The following HIBADH variants were observed in gnomAD, a reference collection of about 807,000 sequenced individuals.
HIBADH encodes the protein 3-hydroxyisobutyrate dehydrogenase.
Under a neutral mutation model 36.1 loss-of-function variants are expected in HIBADH, and 25 were observed. The observed-to-expected ratio is 0.69, with a 90% CI of 0.50 to 0.97. The LOEUF is 0.97. HIBADH is among the 50% of genes least tolerant of loss of function. The pLI is 0.00. For synonymous variants in HIBADH, 160 were observed against 149.5 expected (o/e 1.07, Z -0.51); for missense variants, 421 against 418.0 (o/e 1.01, Z -0.06).
intron 4 of HIBADH, among the ~76,000 whole-genome samples, chr7:27,595,536 A>T (rs79492337): frequency 2.7e-5 from 4 of 150,604 alleles, no homozygotes; most frequent in East Asian, 1.9e-4. Context: ...CTGTCTCAAA[A>T]TAAATAAATA....
At chr7:27,573,877 G>A (rs1358335636) in intron 4 of HIBADH, among the ~76,000 whole-genome samples, 1 of 152,082 alleles carries the variant, frequency 6.6e-6, no homozygotes, top group African/African-American at 2.4e-5. Flanking sequence ...TTGATATACT[G>A]GGTTAAATAA....
intron 4 of HIBADH, among the ~76,000 whole-genome samples, chr7:27,555,843 A>G (rs771341973): frequency 3.9e-5 from 6 of 152,152 alleles, no homozygotes; most frequent in Admixed American, 6.5e-5. Flanking sequence ...AATCATGTCT[A>G]TCTTCTCAAG....
At chr7:27,646,177 A>T (rs1786066927) in intron 2 of HIBADH, among the ~76,000 whole-genome samples, 1 of 152,188 alleles carries the variant, frequency 6.6e-6, no homozygotes, top group African/African-American at 2.4e-5. Flanking sequence ...TGGGTACAGA[A>T]CCACACAAGA....
chr7:27,602,222 G>A (rs920484648), intron 4 of HIBADH, among the ~76,000 whole-genome samples: 1 of 150,998 alleles, frequency 6.6e-6, no homozygotes, highest in Admixed American at 6.6e-5. Context: ...CTATAAGGAT[G>A]AAATGTTTTA....
chr7:27,647,023 G>GAT (rs1786085664), intron 2 of HIBADH, among the ~76,000 whole-genome samples: 1 of 151,986 alleles, frequency 6.6e-6, no homozygotes, highest in Non-Finnish European at 1.5e-5. Context: ...ACACTCCTAT[G>GAT]ATAAAGTTTA....
intron 6 of HIBADH, among the ~76,000 whole-genome samples, chr7:27,535,141 C>A (rs150177765): frequency 1.7e-4 from 25 of 151,450 alleles, no homozygotes; most frequent in African/African-American, 6.1e-4. Flanking sequence ...TTAGATGTTT[C>A]ATTTCCAGAT....
At chr7:27,648,668 G>T (rs1349665038) in intron 2 of HIBADH, among the ~76,000 whole-genome samples, 1 of 152,100 alleles carries the variant, frequency 6.6e-6, no homozygotes, top group Non-Finnish European at 1.5e-5. Context: ...ACTATATTCG[G>T]ATACTGATAC....
chr7:27,550,251 C>T (rs1033658874), intron 4 of HIBADH, among the ~76,000 whole-genome samples: 23 of 152,190 alleles, frequency 1.5e-4, no homozygotes, highest in African/African-American at 5.1e-4. Flanking sequence ...ATTTTTTCTC[C>T]ATTAAGTTAT....
intron 1 of HIBADH, among the ~76,000 whole-genome samples, chr7:27,654,696 T>TA (rs1786265526): frequency 1.6e-5 from 1 of 61,770 alleles, no homozygotes; most frequent in Non-Finnish European, 2.9e-5. Flanking sequence ...CATTTTTTTG[T>TA]GTTTTTTTTT....
At chr7:27,616,137 A>G (rs945632880) in intron 4 of HIBADH, among the ~76,000 whole-genome samples, 7 of 152,212 alleles carry the variant, frequency 4.6e-5, no homozygotes, top group African/African-American at 1.7e-4. Flanking sequence ...CAGCACGTGC[A>G]GAGATCACAG....
At chr7:27,578,466 C>A (rs1308952107) in intron 4 of HIBADH, among the ~76,000 whole-genome samples, 2 of 152,082 alleles carry the variant, frequency 1.3e-5, no homozygotes, top group African/African-American at 4.8e-5. Flanking sequence ...AGGCGCCCAC[C>A]ACCACACCTG....
chr7:27,531,457 TTCTAAAATC>T (rs1784000214), intron 6 of HIBADH, 109 bp from the exon 7 acceptor site: 2 of 982,018 alleles, frequency 2.0e-6, no homozygotes, highest in South Asian at 4.2e-5. Flanking sequence ...ATTATATGTC[TTCTAAAATC>T]TAAGCAGGTT....
rs70994672 is a variant in HIBADH, at chr7:27,626,104, G to GAAAAAAAAAA, written c.484+3257_484+3266dup. ...GGTGACACAGTGAGACTCCGTCTCA[G>GAAAAAAAAAA]AAAAAAAAAAAAAAAAAAAAAAGAT... On this transcript the variant is annotated intron_variant, in intron 4 of 7. Transcript: ENST00000265395. Among the ~76,000 whole-genome samples the GAAAAAAAAAA allele has an allele frequency of 2.1e-3, 152 of 72,488 alleles. 4 individuals carry two copies. The highest frequency in any genetic ancestry group is 7.5e-3 in the African/African-American group (140 of 18,656). The allele number at this position is 72,488 out of a possible 152,430, so 47.6% of individuals were successfully genotyped here. A position where few individuals can be genotyped will look rare whatever the true frequency, so the allele number is the denominator to read the frequency against.
chr7:27,656,342 T>C (rs1786303444), intron 1 of HIBADH, among the ~76,000 whole-genome samples: 1 of 152,178 alleles, frequency 6.6e-6, no homozygotes, highest in African/African-American at 2.4e-5. Flanking sequence ...TAACTATGTA[T>C]TAATAAGGCA....
At chr7:27,622,224 G>A (rs572747225) in intron 4 of HIBADH, among the ~76,000 whole-genome samples, 17 of 152,244 alleles carry the variant, frequency 1.1e-4, no homozygotes, top group Non-Finnish European at 2.5e-4. Context: ...CAGCCTGGAT[G>A]ACAAGGCAAG....
chr7:27,549,152 G>A (rs1330974254), intron 4 of HIBADH, among the ~76,000 whole-genome samples: 3 of 152,058 alleles, frequency 2.0e-5, no homozygotes, highest in Non-Finnish European at 2.9e-5. Flanking sequence ...AAAAAATAGA[G>A]AGCTTTTAGA....
chr7:27,591,597 G>A (rs904047398), intron 4 of HIBADH, among the ~76,000 whole-genome samples: 3 of 151,766 alleles, frequency 2.0e-5, no homozygotes, highest in African/African-American at 7.3e-5. Context: ...AGTTCTGACT[G>A]CCTTCAGTGA....
chr7:27,543,705 ATAT>A (rs1784192786), intron 4 of HIBADH, among the ~76,000 whole-genome samples: 1 of 152,156 alleles, frequency 6.6e-6, no homozygotes, highest in Admixed American at 6.6e-5. Context: ...GTACTTTTCA[ATAT>A]TATTTGATTT....
At chr7:27,633,016 C>T (rs553999130) in intron 2 of HIBADH, among the ~76,000 whole-genome samples, 7 of 152,072 alleles carry the variant, frequency 4.6e-5, no homozygotes, top group Admixed American at 1.3e-4. Flanking sequence ...GACATAAACA[C>T]TTACTACAAT....
Sources: gnomAD v4.1 joint callset for allele counts (sites outside exome capture counted in the v4.1 genomes callset) on GRCh38, gnomAD v4.1.1 for gene constraint, MANE v1.5 for transcripts, NCBI Gene and HGNC (gene_info 2026-07-23, HGNC 2026-07-21) for gene names.